The following TMEM132D variants were observed in gnomAD, a reference collection of about 807,000 sequenced individuals.
TMEM132D encodes mature OL transmembrane protein.
A neutral mutation model predicts 62.3 loss-of-function variants in TMEM132D; 21 were observed. The observed-to-expected ratio is 0.34, with a 90% CI of 0.24 to 0.49. TMEM132D has a LOEUF of 0.49. TMEM132D is among the 20% of genes least tolerant of loss of function. The probability of loss-of-function intolerance (pLI) is 0.99; values close to 1 mark genes in which losing one functional copy is unlikely to be tolerated. For missense variants in TMEM132D, 1,346 were observed against 1,402.8 expected (o/e 0.96, Z 0.65); for synonymous variants, 621 against 575.6 (o/e 1.08, Z -1.13).
At position 129,487,037 on chromosome 12, in the gene TMEM132D, G is replaced by C. The variant is rs532236174; in HGVS notation, c.1115+44022C>G. Among the ~76,000 whole-genome samples the C allele has an allele frequency of 3.2e-3, 491 of 151,888 alleles. 3 individuals carry two copies. The highest frequency in any genetic ancestry group is 0.011 in the African/African-American group (471 of 41,444). ...GTCTGCGAATGTTTGCGTATGGGGG[G>C]GGGGGTTGTGGGTGTAGCTGTGTGA... is the stretch of plus-strand genomic sequence containing the variant. On this transcript the variant is annotated intron_variant, in intron 3 of 8. Transcript: ENST00000422113.
intron 3 of TMEM132D, among the ~76,000 whole-genome samples, chr12:129,382,183 A>G (rs1330700592): frequency 6.6e-6 from 1 of 152,226 alleles, no homozygotes; most frequent in Non-Finnish European, 1.5e-5. Flanking sequence ...CTATCTGGTA[A>G]CCAAACAAAT....
At chr12:129,111,225 G>A (rs1875690711) in intron 5 of TMEM132D, 1 of 152,360 alleles carries the variant, frequency 6.6e-6, no homozygotes, top group African/African-American at 2.4e-5. Context: ...AGGGGAGGAA[G>A]AGGGATGGGG....
At chr12:129,253,240 GA>G (rs71072458) in intron 4 of TMEM132D, among the ~76,000 whole-genome samples, 19,000 of 143,500 alleles carry the variant, frequency 0.13, 1,287 homozygotes, top group Non-Finnish European at 0.17. Context: ...TGTGATAATT[GA>G]AAAAAAAAAA....
chr12:129,401,346 T>C (rs1211443230), intron 3 of TMEM132D, among the ~76,000 whole-genome samples: 1 of 152,072 alleles, frequency 6.6e-6, no homozygotes, highest in African/African-American at 2.4e-5. Context: ...GCAGAAAGAT[T>C]GCTTGAGGCC....
intron 4 of TMEM132D, among the ~76,000 whole-genome samples, chr12:129,221,530 C>T (rs1879345721): frequency 6.6e-6 from 1 of 152,160 alleles, no homozygotes; most frequent in Non-Finnish European, 1.5e-5. Flanking sequence ...TCAAAATTTC[C>T]TCCATAGGCT....
intron 2 of TMEM132D, among the ~76,000 whole-genome samples, chr12:129,699,048 A>G (rs1332856392): frequency 6.6e-6 from 1 of 152,204 alleles, no homozygotes; most frequent in Non-Finnish European, 1.5e-5. Flanking sequence ...AAACACTTCT[A>G]CTAAACAGCT....
chr12:129,164,269 G>C (rs1231149202), intron 5 of TMEM132D, among the ~76,000 whole-genome samples: 1 of 152,202 alleles, frequency 6.6e-6, no homozygotes, highest in East Asian at 1.9e-4. Context: ...TCTGACCTTA[G>C]TCAAGGCTTA....
chr12:129,214,932 C>A (rs1879161167), intron 4 of TMEM132D, among the ~76,000 whole-genome samples: 1 of 152,162 alleles, frequency 6.6e-6, no homozygotes, highest in Non-Finnish European at 1.5e-5. Context: ...AACAGAAATA[C>A]ATTTGACCCA....
Position 129,699,884 on chromosome 12 carries a change from G to T in TMEM132D, c.894C>A (p.Thr298=), listed in dbSNP as rs184778944. Residue 298 remains threonine (T), a synonymous_variant, in exon 2 of 9, where the codon ACC becomes ACA. Transcript: ENST00000422113. ...NSVAIHYIPK[T]VRKGDVLTFP... ...AAGTCAGCACGTCTCCTTTCCTCAC[G>T]GTCTTTGGTATATAGTGGATGGCCA... 6.2e-7 allele frequency: 1 copy of T among 1,614,164 alleles called. No homozygotes were observed. Among genetic ancestry groups the T allele is most frequent in the Non-Finnish European group, 8.5e-7 (1 of 1,180,038 alleles).
chr12:129,536,133 A>C (rs1402197600), intron 2 of TMEM132D, among the ~76,000 whole-genome samples: 2 of 152,198 alleles, frequency 1.3e-5, no homozygotes, highest in Non-Finnish European at 2.9e-5. Flanking sequence ...TGTCTCCCCC[A>C]GAGATTCATG....
chr12:129,802,967 T>A (rs1461399235), intron 1 of TMEM132D, among the ~76,000 whole-genome samples: 5 of 150,350 alleles, frequency 3.3e-5, no homozygotes, highest in African/African-American at 1.2e-4. Context: ...GGTAAAGGGA[T>A]CAATTCAACA....
chr12:129,125,975 T>C (rs889520276), intron 5 of TMEM132D, among the ~76,000 whole-genome samples: 1 of 152,170 alleles, frequency 6.6e-6, no homozygotes, highest in Non-Finnish European at 1.5e-5. Context: ...CAAGTTTATA[T>C]AGCACATGGT....
intron 1 of TMEM132D, among the ~76,000 whole-genome samples, chr12:129,776,689 G>A (rs1224718940): frequency 4.1e-5 from 3 of 73,594 alleles, no homozygotes; most frequent in Non-Finnish European, 8.4e-5. Context: ...GAAAGACTGT[G>A]TTCCTTAACC....
chr12:129,709,849 A>G (rs1881599553), intron 1 of TMEM132D, among the ~76,000 whole-genome samples: 1 of 152,238 alleles, frequency 6.6e-6, no homozygotes, highest in Non-Finnish European at 1.5e-5. Context: ...TATTAATTTT[A>G]AAGTAAACCA....
At chr12:129,723,041 C>A (rs569669310) in intron 1 of TMEM132D, among the ~76,000 whole-genome samples, 1 of 152,072 alleles carries the variant, frequency 6.6e-6, no homozygotes. Flanking sequence ...TGTGCCCGGC[C>A]GATCCTGGCT....
chr12:129,233,237 G>A (rs1448117513), intron 4 of TMEM132D, among the ~76,000 whole-genome samples: 1 of 152,204 alleles, frequency 6.6e-6, no homozygotes, highest in Non-Finnish European at 1.5e-5. Flanking sequence ...TGTGTCTCCA[G>A]CAGCTGCTGA....
intron 3 of TMEM132D, among the ~76,000 whole-genome samples, chr12:129,494,074 G>T (rs867272152): frequency 1.3e-5 from 2 of 152,102 alleles, no homozygotes; most frequent in African/African-American, 4.8e-5. Flanking sequence ...GAGCATCCAC[G>T]AACACACGCT....
intron 2 of TMEM132D, among the ~76,000 whole-genome samples, chr12:129,551,973 T>C (rs1378113210): frequency 6.6e-6 from 1 of 152,166 alleles, no homozygotes; most frequent in Non-Finnish European, 1.5e-5. Flanking sequence ...AGAAATGAAG[T>C]TGAGTCCTCT....
At chr12:129,087,795 G>C (rs1052467391) in intron 5 of TMEM132D, among the ~76,000 whole-genome samples, 1 of 152,198 alleles carries the variant, frequency 6.6e-6, no homozygotes, top group Non-Finnish European at 1.5e-5. Flanking sequence ...GTGATGGTTT[G>C]TTATTGCAGC....
Sources: gnomAD v4.1 joint callset for allele counts (sites outside exome capture counted in the v4.1 genomes callset) on GRCh38, gnomAD v4.1.1 for gene constraint, MANE v1.5 for transcripts, NCBI Gene and HGNC (gene_info 2026-07-23, HGNC 2026-07-21) for gene names.